The following SLC38A7 variants were observed in gnomAD, a reference collection of about 807,000 sequenced individuals.
SLC38A7 encodes sodium-coupled neutral amino acid transporter 7.
Under a neutral mutation model 50.1 loss-of-function variants are expected in SLC38A7, and 29 were observed. That is an observed-to-expected ratio of 0.58 (90% confidence interval 0.43 to 0.79). SLC38A7 has a LOEUF of 0.79. Ranked by LOEUF, SLC38A7 falls within the 30% of genes least tolerant of loss-of-function variation. The pLI, the probability that SLC38A7 is intolerant of heterozygous loss-of-function variation, is 0.00. For synonymous variants in SLC38A7, 244 were observed against 245.9 expected (o/e 0.99, Z 0.07); for missense variants, 483 against 610.6 (o/e 0.79, Z 2.20).
At chr16:58,675,351 A>G (rs1403029231) in intron 8 of SLC38A7, 1 of 431,982 alleles carries the variant, frequency 2.3e-6, no homozygotes, top group Admixed American at 2.6e-5. Context: ...TGCTAGAAAA[A>G]AAAAAAAAAA....
chr16:58,673,575 G>A (rs1259313076), intron 8 of SLC38A7, among the ~76,000 whole-genome samples: 1 of 151,362 alleles, frequency 6.6e-6, no homozygotes, highest in East Asian at 1.9e-4. Context: ...TGTTGGTTGG[G>A]CTGGTCTCGA....
intron 2 of SLC38A7, chr16:58,681,663 C>T (rs983072658): frequency 2.6e-5 from 4 of 152,226 alleles, no homozygotes; most frequent in Admixed American, 6.5e-5. Context: ...TCTGTGTGAC[C>T]CTGGGCAAGT....
At chr16:58,677,229 G>A in intron 6 of SLC38A7, 97 bp downstream of exon 6, 1 of 996,198 alleles carries the variant, frequency 1.0e-6, no homozygotes, top group Non-Finnish European at 1.6e-6. Context: ...TGAGCCTTGA[G>A]AAGAGCACCT....
rs557961157 is a variant in SLC38A7 at position 58,680,135 on chromosome 16, G to A, written c.-9C>T. ...ATGCTGACCTGGGCCATGGCCCCGA[G>A]AGCCTTCTTCCTGCAAGGTCTGTGG... On this transcript the variant is annotated 5_prime_UTR_variant, in exon 3 of 12. Transcript: ENST00000219320. 8 of 1,515,188 alleles carry A rather than the reference G, an allele frequency of 5.3e-6. No homozygotes were observed. The African/African-American group carries it at 1.1e-4, about 21-fold the overall frequency. 93.9% of individuals were successfully genotyped at this position (1,515,188 alleles called of 1,614,324 possible).
At chr16:58,672,685 T>A (rs2044182038) in intron 8 of SLC38A7, among the ~76,000 whole-genome samples, 1 of 152,144 alleles carries the variant, frequency 6.6e-6, no homozygotes, top group South Asian at 2.1e-4. Flanking sequence ...CTTGCCCTGT[T>A]ACCCAGACTA....
intron 6 of SLC38A7, among the ~76,000 whole-genome samples, chr16:58,676,556 TG>T (rs2044271156): frequency 6.6e-6 from 1 of 152,230 alleles, no homozygotes; most frequent in African/African-American, 2.4e-5. Flanking sequence ...AAAGCCCCCC[TG>T]GGGCCAAAAT....
At position 58,677,371 on chromosome 16, in the gene SLC38A7, T is replaced by C; in HGVS notation, c.665A>G (p.Tyr222Cys). The C allele has an allele frequency of 6.2e-7, 1 of 1,613,476 alleles. No individual in the cohort carries two copies. The highest frequency in any genetic ancestry group is 8.5e-7 in the Non-Finnish European group (1 of 1,179,874). ...GGTCATCTCTTTATCTGGCCAGATG[T>C]ACTTGATGATAACGATGGCTGTGAC... ...WYVTAIVIIK[Y>C]IWPDKEMTPG... The change falls in exon 6 of 12, where the codon TAC (tyrosine) becomes TGC (cysteine). Residue 222 changes from tyrosine to cysteine, a missense_variant. Physicochemically the swap from Tyr to Cys is radical, Grantham distance 194. Coordinates refer to ENST00000219320, the MANE Select transcript of SLC38A7 (RefSeq NM_018231.3).
At chr16:58,683,281 C>T (rs1157643933) in intron 2 of SLC38A7, among the ~76,000 whole-genome samples, 1 of 152,168 alleles carries the variant, frequency 6.6e-6, no homozygotes, top group Non-Finnish European at 1.5e-5. Flanking sequence ...GCCTTCAGCC[C>T]ACTGGGGGTT....
intron 3 of SLC38A7, among the ~76,000 whole-genome samples, chr16:58,679,119 C>T (rs981304451): frequency 2.6e-5 from 4 of 152,164 alleles, no homozygotes; most frequent in Non-Finnish European, 2.9e-5. Flanking sequence ...AGGCTGGATG[C>T]GATGGCTCAT....
At chr16:58,676,448 C>T (rs924976985) in intron 6 of SLC38A7, 102 bp from the exon 7 acceptor site, 2 of 1,243,228 alleles carry the variant, frequency 1.6e-6, no homozygotes, top group South Asian at 2.4e-5. Flanking sequence ...TCTCCAGCAA[C>T]TGGGATTCCA....
At chr16:58,675,190 C>A in intron 8 of SLC38A7, 1 of 257,158 alleles carries the variant, frequency 3.9e-6, no homozygotes, top group Non-Finnish European at 7.8e-6. Context: ...CTCCCAAAGC[C>A]ACCCATCCAG....
chr16:58,678,672 G>T lies in SLC38A7; in HGVS notation c.469+24C>A, dbSNP rs1377724385. On this transcript the variant is annotated intron_variant, in intron 4 of 11. Coordinates refer to ENST00000219320, the MANE Select transcript of SLC38A7 (RefSeq NM_018231.3). This position sits in a 1 kb window ranked among gnomAD's most constrained non-coding sequence, Gnocchi z 4.0. ...CCTGGGGCTGATAAGAAGAGATGGGGTAGGGACTGAGGGAGAAGCTCACTC... is the reference window on the plus strand; with the variant it reads ...CCTGGGGCTGATAAGAAGAGATGGGTTAGGGACTGAGGGAGAAGCTCACTC... 1.9e-6 allele frequency: 3 copies of T among 1,611,806 alleles called. No homozygotes were observed. The highest frequency in any genetic ancestry group is 2.5e-6 in the Non-Finnish European group (3 of 1,178,944).
At chr16:58,674,120 T>C (rs2044216256) in intron 8 of SLC38A7, among the ~76,000 whole-genome samples, 2 of 152,136 alleles carry the variant, frequency 1.3e-5, no homozygotes, top group South Asian at 4.1e-4. Context: ...CCACCATGCC[T>C]GGCGGACGCC....
rs370515708 is a variant in SLC38A7 at position 58,680,104 on chromosome 16, T to C, written c.23A>G (p.Asn8Ser). Reference sequence around the variant, plus strand: ...GCTCAAGTCCCACTCGCTGTAGTCATTGTTGATGCTGACCTGGGCCATGGC... The same window carrying C: ...GCTCAAGTCCCACTCGCTGTAGTCACTGTTGATGCTGACCTGGGCCATGGC... MAQVSINNDYSEWDLSTD... is the reference protein window; with the variant it reads MAQVSINSDYSEWDLSTD... The change falls in exon 3 of 12, where the codon AAT (asparagine) becomes AGT (serine). Residue 8 changes from asparagine (N) to serine (S), a missense_variant. Coordinates refer to ENST00000219320, the MANE Select transcript of SLC38A7 (RefSeq NM_018231.3). 1.0e-5 allele frequency: 16 copies of C among 1,540,742 alleles called. No individual in the cohort carries two copies. Among genetic ancestry groups the C allele is most frequent in the East Asian group, 2.3e-5 (1 of 44,128 alleles).
At chr16:58,680,334 A>G (rs552402534) in intron 2 of SLC38A7, 93 bp from the exon 3 acceptor site, 8 of 509,182 alleles carry the variant, frequency 1.6e-5, no homozygotes, top group African/African-American at 1.5e-4. Flanking sequence ...TCACATGGGT[A>G]GGGTCCAAAC....
chr16:58,682,622 G>A (rs918793274), intron 2 of SLC38A7, among the ~76,000 whole-genome samples: 64 of 151,288 alleles, frequency 4.2e-4, no homozygotes, highest in Admixed American at 6.6e-4. Flanking sequence ...ACCACAGCCA[G>A]CTAACTTTTA....
rs1297606949 is a variant in SLC38A7, at chr16:58,678,305, T to C, written c.611+28A>G. 4 of 1,515,118 alleles carry C rather than the reference T, an allele frequency of 2.6e-6. No homozygotes were observed. The highest frequency in any genetic ancestry group is 2.3e-5 in the East Asian group (1 of 43,572). The allele number at this position is 1,515,118 out of a possible 1,614,324, so 93.9% of individuals were successfully genotyped here. On this transcript the variant is annotated intron_variant, in intron 5 of 11. Transcript: ENST00000219320. The surrounding 1 kb of genome is among the most constrained non-coding windows in gnomAD (Gnocchi z 4.0). ...TACAGCTGCCCAGGATCATAGCTTC[T>C]GTCTGACCCAGGCTGGGGCCTCCAA...
intron 2 of SLC38A7, among the ~76,000 whole-genome samples, chr16:58,682,447 C>T (rs1362694623): frequency 2.6e-5 from 4 of 152,052 alleles, no homozygotes; most frequent in Non-Finnish European, 5.9e-5. Flanking sequence ...TTAATCTCTA[C>T]TCCCTCCCTG....
At chr16:58,669,119 T>C (rs2044107975) in intron 11 of SLC38A7, among the ~76,000 whole-genome samples, 1 of 131,820 alleles carries the variant, frequency 7.6e-6, no homozygotes, top group Non-Finnish European at 1.6e-5. Context: ...TTTTTTTTTT[T>C]TTTTTTTTTT....
Sources: allele counts gnomAD v4.1 joint callset (sites outside exome capture counted in the v4.1 genomes callset), GRCh38; gene constraint gnomAD v4.1.1; non-coding constraint Gnocchi (gnomAD v3.1); transcripts MANE v1.5; gene names NCBI Gene and HGNC (gene_info 2026-07-23, HGNC 2026-07-21).